STARD6: variants seen among roughly 807,000 people sequenced by gnomAD.
STARD6 encodes stAR-related lipid transfer protein 6.
In STARD6, 21 loss-of-function variants were observed where a neutral mutation model predicts 22.3. The ratio of observed to expected loss-of-function variants is 0.94; its 90% CI spans 0.67 to 1.35. The LOEUF is 1.35. STARD6 is among the 40% of genes most tolerant of loss of function. The pLI is 0.00. For synonymous variants in STARD6, 80 were observed against 88.1 expected (o/e 0.91, Z 0.52); for missense variants, 269 against 266.9 (o/e 1.01, Z -0.05).
intron 4 of STARD6, among the ~76,000 whole-genome samples, chr18:54,347,822 T>TA (rs1432951677): frequency 1.3e-5 from 2 of 152,110 alleles, no homozygotes; most frequent in Non-Finnish European, 2.9e-5. Context: ...TTTGTTACTT[T>TA]AAAAAATGTT....
chr18:54,331,700 C>G, intron 6 of STARD6, 42 bp downstream of exon 6: 1 of 1,284,858 alleles, frequency 7.8e-7, no homozygotes, highest in Admixed American at 1.9e-5. Context: ...TTATTAATGG[C>G]TCGCAGTAAT....
intron 4 of STARD6, among the ~76,000 whole-genome samples, chr18:54,347,007 C>T (rs1210420830): frequency 1.3e-5 from 2 of 151,982 alleles, no homozygotes. Context: ...TGTATATATA[C>T]TAACAATCAC....
At chr18:54,354,454 C>A (rs747667303) in intron 3 of STARD6, 30 bp downstream of exon 3, 14 of 1,543,894 alleles carry the variant, frequency 9.1e-6, no homozygotes, top group Non-Finnish European at 1.2e-5. Flanking sequence ...AAAACAAAGT[C>A]TTGAAACATA....
intron 5 of STARD6, among the ~76,000 whole-genome samples, chr18:54,332,673 A>G (rs1037331303): frequency 6.6e-6 from 1 of 152,106 alleles, no homozygotes; most frequent in Non-Finnish European, 1.5e-5. Flanking sequence ...GGTGGGTATT[A>G]TGTGTTTGGC....
chr18:54,329,556 T>C lies in STARD6; in HGVS notation c.386-116A>G, dbSNP rs1439747163. The C allele has an allele frequency of 1.9e-5, 15 of 776,950 alleles. No individual in the cohort carries two copies. The South Asian group carries it at 2.5e-4, about 13-fold the overall frequency. The allele number at this position is 776,950 out of a possible 1,614,324, so 48.1% of individuals were successfully genotyped here. A position where few individuals can be genotyped will look rare whatever the true frequency, so the allele number is the denominator to read the frequency against. The stretch of plus-strand genomic sequence containing the variant: ...AGTTAGTTAATAGCATTAACATTAG[T>C]TTTATATATGTGAATGTGTATTTGC... On this transcript the variant is annotated intron_variant, in intron 6 of 7. Transcript: ENST00000307844.
chr18:54,353,559 C>T (rs746324142), intron 4 of STARD6, among the ~76,000 whole-genome samples: 1 of 152,090 alleles, frequency 6.6e-6, no homozygotes, highest in East Asian at 1.9e-4. Flanking sequence ...ATTCAGGAGG[C>T]CGAGGCGGAA....
In STARD6 at chr18:54,353,625, A is replaced by C. The variant is rs540580975; in HGVS notation, c.140+429T>G. ...CAGTGAGCTGAGATTGTGCCACTGC[A>C]CTCCAGCCTGGTGACAGAGCAAGAC... is the stretch of plus-strand genomic sequence containing the variant. On this transcript the variant is annotated intron_variant, in intron 4 of 7. Transcript: ENST00000307844. Among the ~76,000 whole-genome samples the C allele has an allele frequency of 2.8e-4, 42 of 152,332 alleles. 1 individual carries two copies. The highest frequency in any genetic ancestry group is 5.2e-4 in the Admixed American group (8 of 15,302).
chr18:54,353,892 T>C, intron 4 of STARD6, 162 bp downstream of exon 4: 1 of 444,794 alleles, frequency 2.2e-6, no homozygotes, highest in East Asian at 3.8e-5. Flanking sequence ...TGGTATCTGA[T>C]TGCTGTATTT....
intron 5 of STARD6, among the ~76,000 whole-genome samples, chr18:54,333,871 C>CT (rs894766801): frequency 2.0e-5 from 3 of 152,146 alleles, no homozygotes; most frequent in African/African-American, 7.2e-5. Flanking sequence ...ACTTAAAGAA[C>CT]TAAAGGCCTA....
intron 4 of STARD6, among the ~76,000 whole-genome samples, chr18:54,348,766 C>T (rs1487815943): frequency 3.9e-5 from 6 of 152,064 alleles, no homozygotes; most frequent in South Asian, 2.1e-4. Flanking sequence ...CCCTTAAGAG[C>T]AGAAAGGAAC....
At chr18:54,347,677 A>G (rs2089050026) in intron 4 of STARD6, among the ~76,000 whole-genome samples, 1 of 152,086 alleles carries the variant, frequency 6.6e-6, no homozygotes, top group Non-Finnish European at 1.5e-5. Flanking sequence ...AAGATATTGA[A>G]CCAGGTTTAT....
At position 54,331,754 on chromosome 18, in the gene STARD6, T is replaced by G. The variant is rs974305511; in HGVS notation, c.373A>C (p.Asn125His). 3.1e-6 allele frequency: 5 copies of G among 1,608,492 alleles called. No homozygotes were observed. In the African/African-American group the frequency reaches 6.7e-5, roughly 21 times the overall value. The change falls in exon 6 of 8, where the codon AAC becomes CAC. Residue 125 changes from asparagine (N) to histidine (H), a missense_variant. Coordinates refer to ENST00000307844, the MANE Select transcript of STARD6 (RefSeq NM_139171.2). ...TGTTTCAACTTACAACTGATAATGTTCATATTTCCTTCGTAGCGCTTGATG... is the reference window on the plus strand; with the variant it reads ...TGTTTCAACTTACAACTGATAATGTGCATATTTCCTTCGTAGCGCTTGATG... ...VYIKRYEGNMNIISSKSVDFP... is the reference protein window; with the variant it reads ...VYIKRYEGNMHIISSKSVDFP...
intron 2 of STARD6, 144 bp from the exon 3 acceptor site, chr18:54,354,721 A>T: frequency 1.7e-6 from 1 of 579,828 alleles, no homozygotes; most frequent in East Asian, 3.0e-5. Context: ...GTATGCATGA[A>T]CCCCTCTCTC....
In STARD6 at chr18:54,324,624, TAGA is replaced by T; in HGVS notation, c.*65_*67del. ...ACAGTATTATTTATGTGCGTTGACT[TAGA>T]AGTAAACAGCAATAACTACTACACA... On this transcript the variant is annotated 3_prime_UTR_variant, in exon 8 of 8. Transcript: ENST00000307844. 1 of 1,486,972 alleles carries T rather than the reference TAGA, an allele frequency of 6.7e-7. No homozygotes were observed. The highest frequency in any genetic ancestry group is 9.3e-7 in the Non-Finnish European group (1 of 1,076,446). 92.1% of individuals were successfully genotyped at this position (1,486,972 alleles called of 1,614,324 possible).
intron 5 of STARD6, among the ~76,000 whole-genome samples, chr18:54,335,034 A>G (rs1291925060): frequency 6.6e-6 from 1 of 152,182 alleles, no homozygotes; most frequent in Non-Finnish European, 1.5e-5. Flanking sequence ...AGTCTGGAAG[A>G]GTATGGAACA....
chr18:54,331,863 C>T lies in STARD6; in HGVS notation c.268-4G>A. On this transcript the variant is annotated splice_region_variant and splice_polypyrimidine_tract_variant and intron_variant, in intron 5 of 7. Transcript: ENST00000307844. Reference sequence around the variant, plus strand: ...TGGTATGACATATGAATGTGTCCTGCAACAAATCAAACCGTAAAGATAACA... The same window carrying T: ...TGGTATGACATATGAATGTGTCCTGTAACAAATCAAACCGTAAAGATAACA... The T allele has an allele frequency of 6.4e-7, 1 of 1,567,922 alleles. No individual in the cohort carries two copies. Among genetic ancestry groups the T allele is most frequent in the Non-Finnish European group, 8.7e-7 (1 of 1,143,262 alleles).
intron 6 of STARD6, among the ~76,000 whole-genome samples, chr18:54,330,419 T>C (rs182298641): frequency 6.6e-6 from 1 of 152,168 alleles, no homozygotes; most frequent in East Asian, 1.9e-4. Flanking sequence ...TTATGAAGCA[T>C]ATGGTGTGGT....
chr18:54,336,121 T>G (rs1599299953), intron 5 of STARD6, among the ~76,000 whole-genome samples: 1 of 152,226 alleles, frequency 6.6e-6, no homozygotes, highest in East Asian at 1.9e-4. Context: ...ACATTCTCCC[T>G]TCTCTCAACT....
intron 4 of STARD6, among the ~76,000 whole-genome samples, chr18:54,342,316 C>T (rs1287449836): frequency 1.3e-5 from 2 of 152,198 alleles, no homozygotes; most frequent in Non-Finnish European, 2.9e-5. Context: ...AAAATTTTTA[C>T]ATAAATCCTC....
Sources: gnomAD v4.1 joint callset for allele counts (sites outside exome capture counted in the v4.1 genomes callset) on GRCh38, gnomAD v4.1.1 for gene constraint, MANE v1.5 for transcripts, NCBI Gene and HGNC (gene_info 2026-07-23, HGNC 2026-07-21) for gene names.